MRPL30: variants seen among roughly 807,000 people sequenced by gnomAD.
MRPL30 encodes large ribosomal subunit protein uL30m.
A neutral mutation model predicts 17.2 loss-of-function variants in MRPL30; 10 were observed. The observed-to-expected ratio is 0.58, with a 90% CI of 0.36 to 0.99. MRPL30 has a LOEUF of 0.99. Among genes scored for constraint, MRPL30 ranks in the 50% least tolerant of loss-of-function variants. MRPL30 has a pLI of 0.01. For synonymous variants in MRPL30, 61 were observed against 62.1 expected, an observed-to-expected ratio of 0.98 and a Z score of 0.08; for missense variants, 170 against 189.8, an observed-to-expected ratio of 0.90 and a Z score of 0.61.
chr2:99,185,839 C>T (rs1437148369), intron 1 of MRPL30: 2 of 414,040 alleles, frequency 4.8e-6, no homozygotes, highest in Non-Finnish European at 9.6e-6. Flanking sequence ...TTCTTCAGTC[C>T]CTTCTAGCTC....
At position 99,197,349 on chromosome 2, in the gene MRPL30, G is replaced by A. The variant is rs1352120592; in HGVS notation, c.*1644G>A. ...TTGTCCCAATATCCATCCTGTCGTAGATCTTAATGTTTTTGATCGTTGCGT... is the reference window on the plus strand; with the variant it reads ...TTGTCCCAATATCCATCCTGTCGTAAATCTTAATGTTTTTGATCGTTGCGT... On this transcript the variant is annotated 3_prime_UTR_variant, in exon 6 of 6. Coordinates refer to ENST00000338148, the MANE Select transcript of MRPL30 (RefSeq NM_145212.4). 6.6e-6 allele frequency: 1 copy of A among 152,162 alleles called. No homozygotes were observed. The highest frequency in any genetic ancestry group is 1.5e-5 in the Non-Finnish European group (1 of 68,020). The allele number at this position is 152,162 out of a possible 1,614,324, so 9.4% of individuals were successfully genotyped here. A position where few individuals can be genotyped will look rare whatever the true frequency, so the allele number is the denominator to read the frequency against.
At chr2:99,194,699 A>G in intron 3 of MRPL30, 52 bp from the exon 4 acceptor site, 2 of 1,521,412 alleles carry the variant, frequency 1.3e-6, no homozygotes, top group East Asian at 2.4e-5. Context: ...TGGGAGGTAC[A>G]CAGAAACTGT....
At chr2:99,183,942 C>A (rs921953606) in intron 1 of MRPL30, among the ~76,000 whole-genome samples, 1 of 152,144 alleles carries the variant, frequency 6.6e-6, no homozygotes, top group African/African-American at 2.4e-5. Flanking sequence ...TTTTTGATAT[C>A]ATTGACAGTT....
chr2:99,184,161 G>A (rs1427322671), intron 1 of MRPL30, among the ~76,000 whole-genome samples: 1 of 152,156 alleles, frequency 6.6e-6, no homozygotes, highest in African/African-American at 2.4e-5. Context: ...AATTGTTCCA[G>A]CTTTGGGTAC....
chr2:99,195,794 C>T lies in MRPL30; in HGVS notation c.*89C>T. ...TTTCATTAAAATATGTTTTCAAAACCATTTTCAGGCCGGGCACGGTGGCTC... is the reference window on the plus strand; with the variant it reads ...TTTCATTAAAATATGTTTTCAAAACTATTTTCAGGCCGGGCACGGTGGCTC... On this transcript the variant is annotated 3_prime_UTR_variant, in exon 6 of 6. Transcript: ENST00000338148. 6.3e-7 allele frequency: 1 copy of T among 1,581,806 alleles called. No homozygotes were observed. The highest frequency in any genetic ancestry group is 2.3e-5 in the East Asian group (1 of 43,020).
At chr2:99,195,210 T>C (rs2093953146) in intron 5 of MRPL30, 21 bp downstream of exon 5, 1 of 1,582,116 alleles carries the variant, frequency 6.3e-7, no homozygotes, top group Non-Finnish European at 8.6e-7. Context: ...TCTTCTCAGC[T>C]CTTTTTAAAA....
intron 1 of MRPL30, among the ~76,000 whole-genome samples, chr2:99,183,717 C>T (rs1161938890): frequency 6.6e-6 from 1 of 152,192 alleles, no homozygotes; most frequent in Non-Finnish European, 1.5e-5. Context: ...ATATGCTACA[C>T]TGTTTCCCCC....
In MRPL30 at chr2:99,196,635, C is replaced by T. The variant is rs1425753974; in HGVS notation, c.*930C>T. 1 of 152,200 alleles carries T rather than the reference C, an allele frequency of 6.6e-6. No homozygotes were observed. The highest frequency in any genetic ancestry group is 2.4e-5 in the African/African-American group (1 of 41,444). The allele number at this position is 152,200 out of a possible 1,614,324, so 9.4% of individuals were successfully genotyped here. On this transcript the variant is annotated 3_prime_UTR_variant, in exon 6 of 6. Transcript: ENST00000338148. ...TGTTTTCTTTTTTAAGTGAATTCAA[C>T]AATTTCTGTGAGTGGCTCTTTGCAT...
chr2:99,186,045 T>C, intron 1 of MRPL30, 132 bp from the exon 2 acceptor site: 1 of 614,336 alleles, frequency 1.6e-6, no homozygotes, highest in East Asian at 2.8e-5. Context: ...CCTTATTATA[T>C]TAAAATAACC....
chr2:99,192,849 C>T (rs566476923), intron 3 of MRPL30, among the ~76,000 whole-genome samples: 1 of 152,168 alleles, frequency 6.6e-6, no homozygotes, highest in Non-Finnish European at 1.5e-5. Flanking sequence ...TACATTCCCA[C>T]CAATAGTGCA....
At position 99,195,425 on chromosome 2, in the gene MRPL30, C is replaced by A. The variant is rs1021692781; in HGVS notation, c.354-148C>A. On this transcript the variant is annotated intron_variant, in intron 5 of 5. Coordinates refer to ENST00000338148, the MANE Select transcript of MRPL30 (RefSeq NM_145212.4). ...TAATTGGCATATCCATCATCTCAGA[C>A]ATTTACCATTTCTTCATGTTGGGAA... The A allele has an allele frequency of 4.0e-6, 4 of 992,792 alleles. No individual in the cohort carries two copies. In the African/African-American group the frequency reaches 6.6e-5, roughly 16 times the overall value. The allele number at this position is 992,792 out of a possible 1,614,324, so 61.5% of individuals were successfully genotyped here. A position where few individuals can be genotyped will look rare whatever the true frequency, so the allele number is the denominator to read the frequency against.
At chr2:99,182,132 A>T (rs1418148272) in intron 1 of MRPL30, among the ~76,000 whole-genome samples, 1 of 152,122 alleles carries the variant, frequency 6.6e-6, no homozygotes, top group Non-Finnish European at 1.5e-5. Flanking sequence ...ACAGACATTT[A>T]AAAAAATAGA....
chr2:99,186,055 C>G (rs1249177916), intron 1 of MRPL30, 122 bp from the exon 2 acceptor site: 3 of 621,584 alleles, frequency 4.8e-6, no homozygotes, highest in African/African-American at 3.7e-5. Context: ...TTAAAATAAC[C>G]AATAATTTTA....
intron 1 of MRPL30, among the ~76,000 whole-genome samples, chr2:99,182,112 A>G (rs1016215425): frequency 6.6e-6 from 1 of 152,140 alleles, no homozygotes; most frequent in African/African-American, 2.4e-5. Flanking sequence ...TTCTGTGATT[A>G]CACACGTTCA....
intron 3 of MRPL30, among the ~76,000 whole-genome samples, chr2:99,193,585 T>C (rs1477151940): frequency 6.6e-6 from 1 of 152,234 alleles, no homozygotes; most frequent in Non-Finnish European, 1.5e-5. Context: ...TTGGTACAGA[T>C]GATGCACATA....
chr2:99,186,573 C>T (rs2093934468), intron 2 of MRPL30, among the ~76,000 whole-genome samples: 1 of 152,150 alleles, frequency 6.6e-6, no homozygotes. Context: ...ACCTTGTGAT[C>T]CACCTGCCCC....
At chr2:99,182,447 G>C (rs886564735) in intron 1 of MRPL30, among the ~76,000 whole-genome samples, 1 of 152,150 alleles carries the variant, frequency 6.6e-6, no homozygotes, top group Non-Finnish European at 1.5e-5. Context: ...CCCAGCTACT[G>C]GGGAGGCCGA....
intron 3 of MRPL30, among the ~76,000 whole-genome samples, chr2:99,193,920 C>G (rs928919603): frequency 2.6e-5 from 4 of 151,872 alleles, no homozygotes; most frequent in Non-Finnish European, 5.9e-5. Flanking sequence ...CGCCTGTAAT[C>G]CCAGCTACTC....
At chr2:99,183,568 CAA>C (rs35487170) in intron 1 of MRPL30, among the ~76,000 whole-genome samples, 5 of 131,658 alleles carry the variant, frequency 3.8e-5, no homozygotes, top group Non-Finnish European at 4.8e-5. Flanking sequence ...GACTCTGTCT[CAA>C]AAAAAAAAAA....
Sources: gnomAD v4.1 joint callset for allele counts (sites outside exome capture counted in the v4.1 genomes callset) on GRCh38, gnomAD v4.1.1 for gene constraint, MANE v1.5 for transcripts, NCBI Gene and HGNC (gene_info 2026-07-23, HGNC 2026-07-21) for gene names.